PRKAG2: variants seen among roughly 807,000 people sequenced by gnomAD.
The protein encoded by PRKAG2 is 5'-AMP-activated protein kinase subunit gamma-2.
PRKAG2 carries 26 observed loss-of-function variants against 69.6 expected under a neutral mutation model. The ratio of observed to expected loss-of-function variants is 0.37; its 90% CI spans 0.27 to 0.52. The LOEUF is 0.52. Ranked by LOEUF, PRKAG2 falls within the 20% of genes least tolerant of loss-of-function variation. PRKAG2 has a pLI of 0.90. For synonymous variants in PRKAG2, 293 were observed against 285.0 expected (o/e 1.03, Z -0.28); for missense variants, 557 against 740.0 (o/e 0.75, Z 2.87).
intron 6 of PRKAG2, among the ~76,000 whole-genome samples, chr7:151,576,961 A>G (rs912733349): frequency 6.9e-6 from 1 of 144,434 alleles, no homozygotes; most frequent in African/African-American, 2.6e-5. Context: ...TATTTTTTGA[A>G]ATTGAAATAA....
intron 3 of PRKAG2, among the ~76,000 whole-genome samples, chr7:151,723,528 G>A (rs1052490439): frequency 1.3e-5 from 2 of 152,222 alleles, no homozygotes; most frequent in Non-Finnish European, 2.9e-5. Flanking sequence ...TGAGTCTGAC[G>A]GTCCTGATGG....
chr7:151,766,264 A>G (rs2075727620), intron 3 of PRKAG2, among the ~76,000 whole-genome samples: 1 of 152,256 alleles, frequency 6.6e-6, no homozygotes, highest in Non-Finnish European at 1.5e-5. Context: ...TTACAGCAGT[A>G]AAGCCCATTT....
rs936552131 is a variant in PRKAG2, at chr7:151,781,724, G to A, written c.187-293C>T. ...GGAGGTAGAGGGGAGGAAGGGAAGC[G>A]GAGCTCAAAATGAGCGTCTCCCTCC... On this transcript the variant is annotated intron_variant, in intron 2 of 15. Coordinates refer to ENST00000287878, the MANE Select transcript of PRKAG2 (RefSeq NM_016203.4). This position sits in a 1 kb window ranked among gnomAD's most constrained non-coding sequence, Gnocchi z 6.1. Among the ~76,000 whole-genome samples, 5 of 152,156 alleles carry A rather than the reference G, an allele frequency of 3.3e-5. No homozygotes were observed. The highest frequency in any genetic ancestry group is 3.2e-3 in the Middle Eastern group (1 of 316).
intron 3 of PRKAG2, among the ~76,000 whole-genome samples, chr7:151,725,741 A>G (rs919236871): frequency 2.0e-5 from 3 of 151,980 alleles, no homozygotes; most frequent in African/African-American, 7.3e-5. Flanking sequence ...TGTGGGGAAG[A>G]CCTCAGCACC....
chr7:151,619,379 A>C (rs1191581666), intron 5 of PRKAG2, among the ~76,000 whole-genome samples: 2 of 152,102 alleles, frequency 1.3e-5, no homozygotes, highest in African/African-American at 4.8e-5. Context: ...TAAAATCCCA[A>C]ATGCTCCAAA....
chr7:151,563,892 C>T (rs997234341), intron 14 of PRKAG2, among the ~76,000 whole-genome samples, 186 bp downstream of exon 14: 1 of 152,200 alleles, frequency 6.6e-6, no homozygotes, highest in African/African-American at 2.4e-5. Context: ...ATTCAACAAA[C>T]TTTTAGAGAT....
chr7:151,735,333 C>T (rs1245584260), intron 3 of PRKAG2, among the ~76,000 whole-genome samples: 1 of 152,136 alleles, frequency 6.6e-6, no homozygotes, highest in Non-Finnish European at 1.5e-5. Context: ...ACCACCTGTT[C>T]CACTTGCCCT....
chr7:151,689,138 A>T (rs1835234849), intron 3 of PRKAG2, among the ~76,000 whole-genome samples: 1 of 152,172 alleles, frequency 6.6e-6, no homozygotes, highest in Non-Finnish European at 1.5e-5. Context: ...CTGTAATAGT[A>T]CCTGGAGTTT....
intron 1 of PRKAG2, among the ~76,000 whole-genome samples, chr7:151,874,112 T>TG (rs1563772407): frequency 6.9e-6 from 1 of 144,850 alleles, no homozygotes; most frequent in African/African-American, 2.5e-5. Flanking sequence ...ATATGATGTA[T>TG]ATGTATATGT....
chr7:151,639,348 C>T (rs1826281256), intron 4 of PRKAG2, among the ~76,000 whole-genome samples: 1 of 152,158 alleles, frequency 6.6e-6, no homozygotes, highest in Non-Finnish European at 1.5e-5. Flanking sequence ...TATTTCCTTC[C>T]GTGTAGCCAG....
At chr7:151,793,567 C>T (rs1018387762) in intron 1 of PRKAG2, among the ~76,000 whole-genome samples, 11 of 152,246 alleles carry the variant, frequency 7.2e-5, no homozygotes, top group African/African-American at 1.9e-4. Flanking sequence ...ACCTGGACCC[C>T]GTCCTGCCCA....
rs151108625 is a variant in PRKAG2, at chr7:151,675,420, G to A, written c.684C>T (p.Ala228=). ...CACCCACAGAAGGGCCCAGACTTAC[G>A]GCTTTGGAGGGAGCATAGTGTGTCG... ...ASPTHYAPSK[A]AALAAALGPA... is the part of the protein sequence containing the mutation. The change falls in exon 4 of 16, where the codon GCC becomes GCT. Residue 228 remains alanine (A), a splice_region_variant and synonymous_variant. Transcript: ENST00000287878. 7.4e-6 allele frequency: 12 copies of A among 1,613,626 alleles called. No homozygotes were observed. Among genetic ancestry groups the A allele is most frequent in the African/African-American group, 2.7e-5 (2 of 74,908 alleles).
intron 3 of PRKAG2, among the ~76,000 whole-genome samples, chr7:151,697,775 A>G (rs1244861842): frequency 6.6e-6 from 1 of 152,068 alleles, no homozygotes; most frequent in Non-Finnish European, 1.5e-5. Context: ...AGCCCAGAAA[A>G]TGCCACAGAA....
At chr7:151,851,810 A>G (rs1297390964) in intron 1 of PRKAG2, among the ~76,000 whole-genome samples, 1 of 152,064 alleles carries the variant, frequency 6.6e-6, no homozygotes, top group African/African-American at 2.4e-5. Context: ...CTGTATCATC[A>G]TCGTCTATGA....
In PRKAG2 at chr7:151,736,475, C is replaced by A. The variant is rs117397400; in HGVS notation, c.466+44677G>T. 2.8e-3 allele frequency: 2,410 copies of A among 864,542 alleles called. 10 individuals are homozygous for A. The highest frequency in any genetic ancestry group is 6.6e-3 in the Middle Eastern group (11 of 1,662). 53.6% of individuals were successfully genotyped at this position (864,542 alleles called of 1,614,324 possible). On this transcript the variant is annotated intron_variant, in intron 3 of 15. Transcript: ENST00000287878. ...CACAAGCCTGCAAGTCATGTGCAGC[C>A]GTGCATGATGTCTCTTTAAACAGAC...
At chr7:151,741,503 A>C (rs7810022) in intron 3 of PRKAG2, among the ~76,000 whole-genome samples, 41,297 of 151,692 alleles carry the variant, frequency 0.27, 6,040 homozygotes, top group East Asian at 0.35. Flanking sequence ...CATGGTGAAA[A>C]CCCATCTCTA....
chr7:151,772,339 T>G (rs1163188160), intron 3 of PRKAG2, among the ~76,000 whole-genome samples: 1 of 152,164 alleles, frequency 6.6e-6, no homozygotes, highest in Admixed American at 6.5e-5. Flanking sequence ...GGCTTCAATC[T>G]CTGGTATGAC....
intron 13 of PRKAG2, among the ~76,000 whole-genome samples, chr7:151,564,953 G>A (rs1383251141): frequency 6.6e-6 from 1 of 152,072 alleles, no homozygotes; most frequent in Non-Finnish European, 1.5e-5. Flanking sequence ...TTAGAACAGT[G>A]GCTCCCAATC....
At chr7:151,616,238 C>T (rs1563263987) in intron 5 of PRKAG2, among the ~76,000 whole-genome samples, 1 of 152,158 alleles carries the variant, frequency 6.6e-6, no homozygotes, top group East Asian at 1.9e-4. Flanking sequence ...TCTGCTTGGC[C>T]AGGCAGGCAA....
Sources: allele counts gnomAD v4.1 joint callset (sites outside exome capture counted in the v4.1 genomes callset), GRCh38; gene constraint gnomAD v4.1.1; non-coding constraint Gnocchi (gnomAD v3.1); transcripts MANE v1.5; gene names NCBI Gene and HGNC (gene_info 2026-07-23, HGNC 2026-07-21).